The following FIG4 variants were observed in gnomAD, a reference collection of about 807,000 sequenced individuals.
The protein encoded by FIG4 is polyphosphoinositide phosphatase.
A neutral mutation model predicts 118.6 loss-of-function variants in FIG4; 112 were observed. The ratio of observed to expected loss-of-function variants is 0.94; its 90% CI spans 0.81 to 1.11. FIG4 has a LOEUF of 1.11. FIG4 is among the 50% of genes least tolerant of loss of function. FIG4 has a pLI of 0.00. For synonymous variants in FIG4, 369 were observed against 381.2 expected (o/e 0.97, Z 0.37); for missense variants, 969 against 1,111.7 (o/e 0.87, Z 1.83).
chr6:109,787,854 C>A (rs963770527), intron 18 of FIG4, among the ~76,000 whole-genome samples: 2 of 152,116 alleles, frequency 1.3e-5, no homozygotes, highest in African/African-American at 4.8e-5. Context: ...CAATACATAA[C>A]CTAGTTTTGT....
At chr6:109,723,692 A>C (rs1266827717) in intron 3 of FIG4, among the ~76,000 whole-genome samples, 3 of 152,184 alleles carry the variant, frequency 2.0e-5, no homozygotes, top group African/African-American at 7.2e-5. Context: ...CCCTGACCCA[A>C]GTTGGGTCAG....
Position 109,765,181 on chromosome 6 carries a change from A to C in FIG4, c.1583+20A>C, listed in dbSNP as rs377162452. On this transcript the variant is annotated intron_variant, in intron 14 of 22. Coordinates refer to ENST00000230124, the MANE Select transcript of FIG4 (RefSeq NM_014845.6). ...AGTTAGGTAAGTCTTATTTTTTGCT[A>C]TTTGAATGCTGATAATGGCAGAAGG... 6 of 1,611,816 alleles carry C rather than the reference A, an allele frequency of 3.7e-6. No individual in the cohort carries two copies. The highest frequency in any genetic ancestry group is 3.3e-5 in the Admixed American group (2 of 59,986).
rs1385617804 is a variant in FIG4 at position 109,791,530 on chromosome 6, G to A, written c.2335G>A (p.Val779Met). ...EGSVSQRSTP[V>M]KMTDAGDSAK... ...CTCTGTGTCTCAGCGCTCCACTCCC[G>A]TGAAGATGACTGATGCAGGAGACAG... is the stretch of plus-strand genomic sequence containing the variant. Residue 779 changes from valine (V) to methionine (M), a missense_variant, in exon 20 of 23, where the codon GTG becomes ATG. By Grantham distance (21) the Val-to-Met change is conservative (BLOSUM62 1). This residue lies in a region of FIG4 where 330 missense variants were observed against 348.1 expected (regional missense o/e 0.95). Coordinates refer to ENST00000230124, the MANE Select transcript of FIG4 (RefSeq NM_014845.6). The A allele has an allele frequency of 1.2e-6, 2 of 1,614,002 alleles. No individual in the cohort carries two copies. Among genetic ancestry groups the A allele is most frequent in the South Asian group, 1.1e-5 (1 of 91,084 alleles).
intron 22 of FIG4, among the ~76,000 whole-genome samples, chr6:109,803,936 G>GC (rs1404218500): frequency 3.9e-5 from 6 of 151,956 alleles, no homozygotes; most frequent in Non-Finnish European, 8.8e-5. Context: ...GCAAACTATC[G>GC]CAAGTTAAAT....
At chr6:109,767,306 T>G (rs1777309202) in intron 15 of FIG4, among the ~76,000 whole-genome samples, 1 of 152,206 alleles carries the variant, frequency 6.6e-6, no homozygotes, top group Admixed American at 6.5e-5. Flanking sequence ...AGAAACAAAT[T>G]GTGATATTAG....
chr6:109,761,419 T>C (rs1423544996), intron 11 of FIG4, among the ~76,000 whole-genome samples: 1 of 152,096 alleles, frequency 6.6e-6, no homozygotes, highest in African/African-American at 2.4e-5. Context: ...GGAGCCTCAC[T>C]CTGTTGCCCA....
At chr6:109,707,291 A>G (rs2025150) in intron 1 of FIG4, among the ~76,000 whole-genome samples, 48,193 of 145,294 alleles carry the variant, frequency 0.33, 7,926 homozygotes, top group Middle Eastern at 0.39. Flanking sequence ...ATATATATAT[A>G]TGTGTGTGTG....
chr6:109,694,867 A>C (rs1774661803), intron 1 of FIG4, among the ~76,000 whole-genome samples: 1 of 152,234 alleles, frequency 6.6e-6, no homozygotes, highest in African/African-American at 2.4e-5. Flanking sequence ...AGGGAAATGC[A>C]AATTAAAACC....
At chr6:109,723,415 A>G (rs1236153456) in intron 3 of FIG4, among the ~76,000 whole-genome samples, 1 of 152,218 alleles carries the variant, frequency 6.6e-6, no homozygotes, top group Admixed American at 6.5e-5. Context: ...TCTATATTCT[A>G]ATGATCTGAC....
At chr6:109,692,944 A>G (rs1482160543) in intron 1 of FIG4, among the ~76,000 whole-genome samples, 3 of 152,178 alleles carry the variant, frequency 2.0e-5, no homozygotes, top group Non-Finnish European at 4.4e-5. Context: ...TCAGCCTCCC[A>G]AAGTGTTGGG....
Position 109,735,284 on chromosome 6 carries a change from C to T in FIG4, c.632C>T (p.Thr211Ile), listed in dbSNP as rs776688968. 1.5e-5 allele frequency: 25 copies of T among 1,613,320 alleles called. 1 individual carries two copies. The South Asian group carries it at 2.4e-4, about 16-fold the overall frequency. ...ATCTTTGAAGATGAAGGATTAATTA[C>T]ACAAGGTGGAAGCGGTAGGTGGTCT... is the stretch of plus-strand genomic sequence containing the variant. ...FDIFEDEGLI[T>I]QGGSGVFGIC... The change falls in exon 6 of 23, where the codon ACA becomes ATA. Residue 211 changes from threonine to isoleucine, a missense_variant. Transcript: ENST00000230124.
chr6:109,789,568 G>A, intron 18 of FIG4, 26 bp from the exon 19 acceptor site: 8 of 1,526,366 alleles, frequency 5.2e-6, no homozygotes, highest in Non-Finnish European at 7.3e-6. Flanking sequence ...TAATTCATAT[G>A]TAATTGTGTT....
At chr6:109,706,971 C>G (rs1436073907) in intron 1 of FIG4, among the ~76,000 whole-genome samples, 1 of 152,158 alleles carries the variant, frequency 6.6e-6, no homozygotes, top group Non-Finnish European at 1.5e-5. Flanking sequence ...TAGCTGAAGC[C>G]TGGCTGAGAT....
chr6:109,741,233 C>G (rs1189801304), intron 7 of FIG4, among the ~76,000 whole-genome samples: 2 of 152,152 alleles, frequency 1.3e-5, no homozygotes, highest in Non-Finnish European at 2.9e-5. Flanking sequence ...GAAAGCACTC[C>G]TTAGTCAGGT....
intron 10 of FIG4, among the ~76,000 whole-genome samples, chr6:109,756,034 A>T (rs1237041258): frequency 6.6e-6 from 1 of 152,140 alleles, no homozygotes; most frequent in South Asian, 2.1e-4. Flanking sequence ...CCTAGTCTCA[A>T]TGGTCTTTAC....
chr6:109,799,778 A>G (rs1213184861), intron 22 of FIG4, among the ~76,000 whole-genome samples: 1 of 152,210 alleles, frequency 6.6e-6, no homozygotes, highest in Non-Finnish European at 1.5e-5. Flanking sequence ...GCAGCTGGAC[A>G]CTTTCAACCA....
intron 1 of FIG4, among the ~76,000 whole-genome samples, chr6:109,710,714 T>C (rs1208616833): frequency 6.6e-6 from 1 of 152,170 alleles, no homozygotes; most frequent in Non-Finnish European, 1.5e-5. Flanking sequence ...TGGGACGGTG[T>C]ATATGTCCAG....
intron 14 of FIG4, among the ~76,000 whole-genome samples, chr6:109,765,944 G>A (rs1270888559): frequency 3.9e-5 from 6 of 152,184 alleles, no homozygotes; most frequent in Non-Finnish European, 4.4e-5. Context: ...GACACTTGAA[G>A]AAACACAGGT....
chr6:109,714,280 A>G (rs574915701), intron 1 of FIG4, among the ~76,000 whole-genome samples: 1 of 152,226 alleles, frequency 6.6e-6, no homozygotes, highest in Non-Finnish European at 1.5e-5. Flanking sequence ...AGTCCCATGC[A>G]GGGTTCCCAG....
Sources: gnomAD v4.1 joint callset for allele counts (sites outside exome capture counted in the v4.1 genomes callset) on GRCh38, gnomAD v4.1.1 for gene constraint, gnomAD v4.1.1 regional missense constraint, MANE v1.5 for transcripts, NCBI Gene and HGNC (gene_info 2026-07-23, HGNC 2026-07-21) for gene names.